Variants in TMEM178B observed in about 807,000 individuals in gnomAD.
TMEM178B encodes transmembrane protein 178B.
A neutral mutation model predicts 31.0 loss-of-function variants in TMEM178B; 5 were observed. The observed-to-expected ratio is 0.16, with a 90% CI of 0.08 to 0.34. The LOEUF (loss-of-function observed/expected upper bound fraction) is 0.34. TMEM178B is among the 10% of genes least tolerant of loss of function. The pLI is 1.00. For missense variants in TMEM178B, 275 were observed against 400.3 expected, an observed-to-expected ratio of 0.69 and a Z score of 2.67; for synonymous variants, 164 against 164.0, an observed-to-expected ratio of 1.00 and a Z score of 0.00.
At chr7:141,401,834 G>A (rs766041589) in intron 2 of TMEM178B, among the ~76,000 whole-genome samples, 9 of 152,046 alleles carry the variant, frequency 5.9e-5, no homozygotes, top group African/African-American at 1.7e-4. Flanking sequence ...TGATGGAGTC[G>A]TAAATATCCT....
At chr7:141,223,479 C>CTTTTTTTTTTTTTTTTTTTTTTT (rs10680431) in intron 2 of TMEM178B, among the ~76,000 whole-genome samples, 3 of 131,160 alleles carry the variant, frequency 2.3e-5, no homozygotes, top group African/African-American at 9.1e-5. Context: ...TGTTTTCACT[C>CTTTTTTTTTTTTTTTTTTTTTTT]TTTTTTTTTT....
chr7:141,157,359 A>G (rs1327329318), intron 1 of TMEM178B, among the ~76,000 whole-genome samples: 1 of 152,104 alleles, frequency 6.6e-6, no homozygotes, highest in Non-Finnish European at 1.5e-5. Flanking sequence ...CTCATTTTAT[A>G]GAACAGCTTT....
intron 2 of TMEM178B, among the ~76,000 whole-genome samples, chr7:141,363,829 G>A (rs1007116033): frequency 1.3e-5 from 2 of 152,032 alleles, no homozygotes; most frequent in Non-Finnish European, 2.9e-5. Context: ...GGTTGAGGCT[G>A]TAGTGAGCCG....
intron 2 of TMEM178B, among the ~76,000 whole-genome samples, chr7:141,316,000 G>T (rs2116465609): frequency 6.6e-6 from 1 of 152,268 alleles, no homozygotes; most frequent in East Asian, 1.9e-4. Context: ...CTCCTAATAG[G>T]ATCCTTGTTG....
rs1202466693 is a variant in TMEM178B, at chr7:141,472,295, C to T, written c.*1509C>T. 1 of 152,222 alleles carries T rather than the reference C, an allele frequency of 6.6e-6. No individual in the cohort carries two copies. The highest frequency in any genetic ancestry group is 1.5e-5 in the Non-Finnish European group (1 of 68,046). 9.4% of individuals were successfully genotyped at this position (152,222 alleles called of 1,614,324 possible). ...CAGAACTCTTGACTCTTTCCATCCT[C>T]TTCCTTTCCCTCTTGATATTCAAGG... On this transcript the variant is annotated 3_prime_UTR_variant, in exon 4 of 4. Transcript: ENST00000565468.
intron 1 of TMEM178B, among the ~76,000 whole-genome samples, chr7:141,179,911 C>T (rs1483006428): frequency 5.3e-5 from 8 of 152,164 alleles, no homozygotes; most frequent in South Asian, 2.1e-4. Context: ...CTGGCCTCGC[C>T]GGTTTGTCCA....
At chr7:141,470,158 C>T (rs552619394) in intron 3 of TMEM178B, among the ~76,000 whole-genome samples, 147 of 152,220 alleles carry the variant, frequency 9.7e-4, no homozygotes, top group African/African-American at 3.5e-3. Flanking sequence ...AGGTGTTTTC[C>T]ATGTCTCCAA....
chr7:141,276,112 G>A (rs1477539025), intron 2 of TMEM178B, among the ~76,000 whole-genome samples: 1 of 152,126 alleles, frequency 6.6e-6, no homozygotes, highest in African/African-American at 2.4e-5. Flanking sequence ...GAGGGGACAT[G>A]GGGAAAATGC....
chr7:141,086,192 C>A (rs1464364866), intron 1 of TMEM178B, among the ~76,000 whole-genome samples: 2 of 151,442 alleles, frequency 1.3e-5, no homozygotes, highest in Admixed American at 1.3e-4. Flanking sequence ...CCTGCCACCA[C>A]TGCTGGCTAA....
chr7:141,308,426 T>C (rs1798854175), intron 2 of TMEM178B, among the ~76,000 whole-genome samples: 1 of 152,254 alleles, frequency 6.6e-6, no homozygotes, highest in South Asian at 2.1e-4. Flanking sequence ...AGAGACAGGG[T>C]CTCACTCTGT....
At chr7:141,349,851 G>A (rs866190569) in intron 2 of TMEM178B, among the ~76,000 whole-genome samples, 9 of 152,096 alleles carry the variant, frequency 5.9e-5, no homozygotes, top group Admixed American at 2.6e-4. Flanking sequence ...GCATGGTCAG[G>A]GTAAGCCTCA....
At chr7:141,184,993 TC>T (rs2129184323) in intron 1 of TMEM178B, among the ~76,000 whole-genome samples, 1 of 152,296 alleles carries the variant, frequency 6.6e-6, no homozygotes, top group South Asian at 2.1e-4. Flanking sequence ...CATCTAAAGC[TC>T]AGCGCAGTTG....
In TMEM178B at chr7:141,438,696, T is replaced by TAAAAAAAAAAA. The variant is rs869132131; in HGVS notation, c.634+971_634+981dup. On this transcript the variant is annotated intron_variant, in intron 3 of 3. Coordinates refer to ENST00000565468, the MANE Select transcript of TMEM178B (RefSeq NM_001195278.2). Reference sequence around the variant, plus strand: ...CAGCTTGGTAAAACCCCGTCTCTACTAAAAAAAAAAAAAAAAAAAAAAAAA... The same window carrying TAAAAAAAAAAA: ...CAGCTTGGTAAAACCCCGTCTCTACTAAAAAAAAAAAAAAAAAAAAAAAAAAAAAAAAAAAA... Among the ~76,000 whole-genome samples the TAAAAAAAAAAA allele has an allele frequency of 6.6e-4, 19 of 29,002 alleles. 1 individual carries two copies. The highest frequency in any genetic ancestry group is 9.9e-4 in the African/African-American group (11 of 11,118). 19.0% of individuals were successfully genotyped at this position (29,002 alleles called of 152,430 possible). A position where few individuals can be genotyped will look rare whatever the true frequency, so the allele number is the denominator to read the frequency against.
At chr7:141,118,041 C>A (rs1423608536) in intron 1 of TMEM178B, among the ~76,000 whole-genome samples, 2 of 152,128 alleles carry the variant, frequency 1.3e-5, no homozygotes, top group East Asian at 1.9e-4. Flanking sequence ...TATTTGCTAT[C>A]CCTTATATAA....
chr7:141,354,270 T>C (rs1161139936), intron 2 of TMEM178B, among the ~76,000 whole-genome samples: 1 of 152,234 alleles, frequency 6.6e-6, no homozygotes, highest in Non-Finnish European at 1.5e-5. Flanking sequence ...AATACTGTCA[T>C]TTTTGGTTTC....
At chr7:141,396,993 G>T (rs147204980) in intron 2 of TMEM178B, among the ~76,000 whole-genome samples, 1 of 152,178 alleles carries the variant, frequency 6.6e-6, no homozygotes, top group African/African-American at 2.4e-5. Flanking sequence ...ATTGAGCTTG[G>T]TTTTTTGTCC....
intron 2 of TMEM178B, among the ~76,000 whole-genome samples, chr7:141,227,321 C>T (rs1797361298): frequency 6.6e-6 from 1 of 152,230 alleles, no homozygotes. Context: ...TTGAGTTTCT[C>T]TCACTTACCA....
chr7:141,400,885 T>G (rs1415423941), intron 2 of TMEM178B, among the ~76,000 whole-genome samples: 1 of 152,228 alleles, frequency 6.6e-6, no homozygotes, highest in Non-Finnish European at 1.5e-5. Flanking sequence ...GCTTGTCTTC[T>G]CTGCCCCCCA....
At chr7:141,195,580 T>G (rs1287399673) in intron 1 of TMEM178B, among the ~76,000 whole-genome samples, 1 of 152,198 alleles carries the variant, frequency 6.6e-6, no homozygotes, top group African/African-American at 2.4e-5. Context: ...TTCTAAACTT[T>G]CCCACATTTT....
Sources: allele counts gnomAD v4.1 joint callset (sites outside exome capture counted in the v4.1 genomes callset), GRCh38; gene constraint gnomAD v4.1.1; transcripts MANE v1.5; gene names NCBI Gene and HGNC (gene_info 2026-07-23, HGNC 2026-07-21).